Variants in DPYS observed in about 807,000 individuals in gnomAD.
DPYS encodes dihydropyrimidine amidohydrolase.
Under a neutral mutation model 50.3 loss-of-function variants are expected in DPYS, and 39 were observed. The ratio of observed to expected loss-of-function variants is 0.78; its 90% CI spans 0.60 to 1.01. DPYS has a LOEUF of 1.01. Among genes scored for constraint, DPYS ranks in the 50% least tolerant of loss-of-function variants. The pLI is 0.00. For synonymous variants in DPYS, 245 were observed against 250.7 expected, an observed-to-expected ratio of 0.98 and a Z score of 0.22; for missense variants, 659 against 680.9, an observed-to-expected ratio of 0.97 and a Z score of 0.36.
intron 7 of DPYS, among the ~76,000 whole-genome samples, chr8:104,405,987 A>G (rs1031773388): frequency 6.6e-6 from 1 of 152,248 alleles, no homozygotes; most frequent in Non-Finnish European, 1.5e-5. Flanking sequence ...AGCCTTTGAT[A>G]TAGGTATTAT....
intron 7 of DPYS, among the ~76,000 whole-genome samples, chr8:104,401,288 GTATTAT>G (rs34804847): frequency 0.12 from 17,296 of 142,940 alleles, 1,172 homozygotes; most frequent in South Asian, 0.22. Context: ...TATGAGGTAG[GTATTAT>G]TATTATTATT....
chr8:104,455,419 G>A (rs140016339), intron 1 of DPYS, among the ~76,000 whole-genome samples: 8 of 152,334 alleles, frequency 5.3e-5, no homozygotes, highest in Non-Finnish European at 7.3e-5. Flanking sequence ...TTTCAGTTGC[G>A]AAGGGAGTCA....
At chr8:104,416,611 C>CA (rs1812377660) in intron 7 of DPYS, among the ~76,000 whole-genome samples, 1 of 152,000 alleles carries the variant, frequency 6.6e-6, no homozygotes, top group Non-Finnish European at 1.5e-5. Flanking sequence ...TTAGGCCGAT[C>CA]AACTGTTATG....
intron 7 of DPYS, among the ~76,000 whole-genome samples, chr8:104,398,082 A>G (rs1811651278): frequency 6.6e-6 from 1 of 152,246 alleles, no homozygotes; most frequent in African/African-American, 2.4e-5. Flanking sequence ...CTTTGAACAC[A>G]CTTCCTCTGG....
chr8:104,429,228 A>G (rs1299328987), intron 5 of DPYS: 2 of 324,312 alleles, frequency 6.2e-6, no homozygotes, highest in African/African-American at 4.2e-5. Flanking sequence ...AAAAAAATTC[A>G]ACAATATTCT....
At chr8:104,411,782 C>G (rs1564089902) in intron 7 of DPYS, 1 of 152,214 alleles carries the variant, frequency 6.6e-6, no homozygotes, top group Admixed American at 6.5e-5. Context: ...ACGCAGACAG[C>G]TGGCCTCAAG....
At chr8:104,449,969 C>G (rs1319191319) in intron 2 of DPYS, among the ~76,000 whole-genome samples, 1 of 152,188 alleles carries the variant, frequency 6.6e-6, no homozygotes, top group Admixed American at 6.5e-5. Flanking sequence ...AATAACCCCC[C>G]TGAACAGAAT....
At chr8:104,396,158 T>C (rs562991438) in intron 7 of DPYS, among the ~76,000 whole-genome samples, 26 of 152,354 alleles carry the variant, frequency 1.7e-4, no homozygotes, top group Admixed American at 1.4e-3. Context: ...TTTATGGCCA[T>C]TATAATCTGC....
rs757637708 is a variant in DPYS at position 104,466,928 on chromosome 8, G to A, written c.-8C>T. On this transcript the variant is annotated 5_prime_UTR_variant, in exon 1 of 10. Coordinates refer to ENST00000351513, the MANE Select transcript of DPYS (RefSeq NM_001385.3). The stretch of plus-strand genomic sequence containing the variant: ...CCGCGAGGGCGCCGCCATAGCGAGG[G>A]GCGCGCGGGGTCCTACTCGGCCCGG... 2.0e-6 allele frequency: 3 copies of A among 1,470,674 alleles called. No individual in the cohort carries two copies. The highest frequency in any genetic ancestry group is 2.9e-5 in the African/African-American group (2 of 68,234). 91.1% of individuals were successfully genotyped at this position (1,470,674 alleles called of 1,614,324 possible).
intron 6 of DPYS, among the ~76,000 whole-genome samples, chr8:104,426,939 C>A (rs1812742810): frequency 2.0e-5 from 3 of 152,140 alleles, no homozygotes; most frequent in Admixed American, 2.0e-4. Context: ...GTGGCTCACG[C>A]CTGTCAATCC....
At chr8:104,428,534 A>ACAAAGGTGAT (rs1812817187) in intron 5 of DPYS, among the ~76,000 whole-genome samples, 1 of 152,244 alleles carries the variant, frequency 6.6e-6, no homozygotes, top group African/African-American at 2.4e-5. Context: ...CAAAGACATC[A>ACAAAGGTGAT]CCATGGTGAT....
At chr8:104,446,696 C>T (rs186653089) in intron 3 of DPYS, among the ~76,000 whole-genome samples, 1,667 of 152,232 alleles carry the variant, frequency 0.011, 14 homozygotes, top group Non-Finnish European at 0.018. Flanking sequence ...GAGCCTCAAT[C>T]TCACTCACTT....
intron 1 of DPYS, among the ~76,000 whole-genome samples, chr8:104,452,429 C>T (rs59088104): frequency 0.2 from 30,120 of 152,100 alleles, 3,222 homozygotes; most frequent in African/African-American, 0.27. Context: ...AACACTTATT[C>T]GCTGTGGTAA....
chr8:104,466,622 G>T, intron 1 of DPYS, 35 bp downstream of exon 1: 1 of 1,496,826 alleles, frequency 6.7e-7, no homozygotes, highest in South Asian at 1.3e-5. Context: ...AGCCTCCGTG[G>T]GTACCGCGGG....
At chr8:104,407,322 A>G (rs190731763) in intron 7 of DPYS, among the ~76,000 whole-genome samples, 2 of 152,340 alleles carry the variant, frequency 1.3e-5, no homozygotes, top group Admixed American at 1.3e-4. Flanking sequence ...TCTAGAGCTA[A>G]ATGCACATTT....
chr8:104,427,978 A>G lies in DPYS; in HGVS notation c.1092+2T>C. 1.2e-6 allele frequency: 2 copies of G among 1,614,096 alleles called. No individual in the cohort carries two copies. The highest frequency in any genetic ancestry group is 1.7e-6 in the Non-Finnish European group (2 of 1,180,018). ...AGCAAGGCTGGAACCTGTGAAACCCACCACGCCTTTTTCCCATATTACGGA... is the reference window on the plus strand; with the variant it reads ...AGCAAGGCTGGAACCTGTGAAACCCGCCACGCCTTTTTCCCATATTACGGA... On this transcript the variant is annotated splice_donor_variant, in intron 6 of 9. Transcript: ENST00000351513. LOFTEE classifies it high-confidence loss of function.
intron 4 of DPYS, among the ~76,000 whole-genome samples, chr8:104,431,937 T>A (rs1295057470): frequency 1.3e-5 from 2 of 152,314 alleles, no homozygotes; most frequent in Middle Eastern, 3.4e-3. Context: ...AATGTTTAAG[T>A]CAACCACAGG....
At chr8:104,450,229 A>G (rs1813690587) in intron 2 of DPYS, among the ~76,000 whole-genome samples, 1 of 152,190 alleles carries the variant, frequency 6.6e-6, no homozygotes, top group Non-Finnish European at 1.5e-5. Context: ...GGACGATCCT[A>G]AAAGCATAAG....
chr8:104,388,873 A>G (rs1435793595), intron 8 of DPYS, among the ~76,000 whole-genome samples: 1 of 152,250 alleles, frequency 6.6e-6, no homozygotes, highest in East Asian at 1.9e-4. Context: ...TATGCAATAA[A>G]ATCATAGATA....
Sources: gnomAD v4.1 joint callset for allele counts (sites outside exome capture counted in the v4.1 genomes callset) on GRCh38, gnomAD v4.1.1 for gene constraint, MANE v1.5 for transcripts, NCBI Gene and HGNC (gene_info 2026-07-23, HGNC 2026-07-21) for gene names.